SMU1: variants seen among roughly 807,000 people sequenced by gnomAD.
SMU1 encodes the protein WD40 repeat-containing protein SMU1.
Under a neutral mutation model 62.0 loss-of-function variants are expected in SMU1, and 2 were observed. The ratio of observed to expected loss-of-function variants is 0.03; its 90% CI spans 0.01 to 0.10. The LOEUF (loss-of-function observed/expected upper bound fraction) is 0.10, where lower values mean the gene tolerates loss of function less well. Among genes scored for constraint, SMU1 ranks in the 10% least tolerant of loss-of-function variants. The pLI, the probability that SMU1 is intolerant of heterozygous loss-of-function variation, is 1.00. For synonymous variants in SMU1, 188 were observed against 212.4 expected (o/e 0.89, Z 1.00); for missense variants, 227 against 622.1 (o/e 0.36, Z 6.76).
rs563013972 is a variant in SMU1 at position 33,044,504 on chromosome 9, G to T, written c.*2789C>A. 6.6e-6 allele frequency: 1 copy of T among 152,340 alleles called. No individual in the cohort carries two copies. Among genetic ancestry groups the T allele is most frequent in the African/African-American group, 2.4e-5 (1 of 41,460 alleles). The allele number at this position is 152,340 out of a possible 1,614,324, so 9.4% of individuals were successfully genotyped here. On this transcript the variant is annotated 3_prime_UTR_variant, in exon 12 of 12. Transcript: ENST00000397149. ...CGCGTGCGCGGCCCGACCCCGCCGC[G>T]GTCTGGCTGTAAGGGCGCTGGAGGG...
chr9:33,073,843 A>C (rs369580174), intron 1 of SMU1, 37 bp from the exon 2 acceptor site: 31 of 1,588,672 alleles, frequency 2.0e-5, no homozygotes, highest in Non-Finnish European at 2.5e-5. Flanking sequence ...AGGGATTCTC[A>C]CTCACCAGAG....
At chr9:33,066,250 T>C (rs1483062367) in intron 4 of SMU1, among the ~76,000 whole-genome samples, 2 of 151,788 alleles carry the variant, frequency 1.3e-5, no homozygotes, top group Non-Finnish European at 2.9e-5. Context: ...AAAATAGGAA[T>C]ACAGGGACAA....
chr9:33,062,530 T>TC (rs543846944), intron 4 of SMU1, among the ~76,000 whole-genome samples: 40 of 151,346 alleles, frequency 2.6e-4, no homozygotes, highest in East Asian at 5.8e-4. Flanking sequence ...CTTCCAATCT[T>TC]CCCCCCCCAC....
rs751049620 is a variant in SMU1, at chr9:33,053,146, C to T, written c.1267G>A (p.Val423Ile). The part of the protein sequence containing the change: ...FVVCNRSNTV[V>I]IMNMQGQIVR... ...ACCTGCCCCTGCATGTTCATGATGA[C>T]CACCGTGTTTGATCTGTTGCACACC... Residue 423 changes from valine (V) to isoleucine (I), a missense_variant, in exon 10 of 12, where the codon GTC becomes ATC. This residue lies in a region of SMU1 where 25 missense variants were observed against 116.2 expected (regional missense o/e 0.22). Coordinates refer to ENST00000397149, the MANE Select transcript of SMU1 (RefSeq NM_018225.3). The T allele has an allele frequency of 6.2e-7, 1 of 1,612,172 alleles. No homozygotes were observed. Among genetic ancestry groups the T allele is most frequent in the Non-Finnish European group, 8.5e-7 (1 of 1,180,008 alleles).
At chr9:33,074,772 C>T (rs996783743) in intron 1 of SMU1, among the ~76,000 whole-genome samples, 10 of 133,946 alleles carry the variant, frequency 7.5e-5, no homozygotes, top group East Asian at 6.5e-4. Flanking sequence ...CAAACATCCT[C>T]TTTTTTTTTT....
At chr9:33,065,860 C>T (rs1839413789) in intron 4 of SMU1, among the ~76,000 whole-genome samples, 1 of 152,144 alleles carries the variant, frequency 6.6e-6, no homozygotes, top group African/African-American at 2.4e-5. Context: ...GAGCTGAGGA[C>T]AGGGTGGAGG....
At chr9:33,056,991 A>C in intron 7 of SMU1, 27 bp from the exon 8 acceptor site, 1 of 1,592,000 alleles carries the variant, frequency 6.3e-7, no homozygotes, top group Non-Finnish European at 8.5e-7. Flanking sequence ...AAAAAGAATT[A>C]AAAAAACCTT....
chr9:33,071,107 T>C (rs1036548318), intron 3 of SMU1, among the ~76,000 whole-genome samples: 44 of 152,230 alleles, frequency 2.9e-4, no homozygotes, highest in African/African-American at 1.0e-3. Flanking sequence ...TATCAAAATA[T>C]CTCATGTACC....
At chr9:33,072,584 C>A (rs1318220673) in intron 2 of SMU1, among the ~76,000 whole-genome samples, 1 of 151,672 alleles carries the variant, frequency 6.6e-6, no homozygotes, top group African/African-American at 2.4e-5. Flanking sequence ...GTAATCCCAG[C>A]ATTTGGGAGG....
rs1839155683 is a variant in SMU1, at chr9:33,044,085, ACAAAT to A, written c.*3203_*3207del. On this transcript the variant is annotated 3_prime_UTR_variant, in exon 12 of 12. Coordinates refer to ENST00000397149, the MANE Select transcript of SMU1 (RefSeq NM_018225.3). ...ATTCAACAGCAGAATAGGGGATAGG[ACAAAT>A]GTCCTTATGCTCATGGAATTAATTT... 6.6e-6 allele frequency: 1 copy of A among 152,018 alleles called. No individual in the cohort carries two copies. Among genetic ancestry groups the A allele is most frequent in the Non-Finnish European group, 1.5e-5 (1 of 68,018 alleles). The allele number at this position is 152,018 out of a possible 1,614,324, so 9.4% of individuals were successfully genotyped here.
intron 3 of SMU1, among the ~76,000 whole-genome samples, chr9:33,071,158 T>C (rs1381673619): frequency 1.3e-5 from 2 of 152,136 alleles, no homozygotes; most frequent in Admixed American, 6.5e-5. Context: ...TAAAAAATTT[T>C]TTTTAATCCT....
At chr9:33,069,613 C>T (rs1839463898) in intron 3 of SMU1, among the ~76,000 whole-genome samples, 1 of 152,130 alleles carries the variant, frequency 6.6e-6, no homozygotes, top group Admixed American at 6.6e-5. Flanking sequence ...CCAGCCTGGC[C>T]AACATGGTGA....
intron 10 of SMU1, 146 bp from the exon 11 acceptor site, chr9:33,048,404 T>G (rs1469772521): frequency 2.1e-6 from 2 of 941,902 alleles, no homozygotes; most frequent in African/African-American, 3.3e-5. Context: ...CTGTTCATCA[T>G]GTGCTAACTC....
At chr9:33,064,064 G>T (rs1384180934) in intron 4 of SMU1, among the ~76,000 whole-genome samples, 1 of 151,778 alleles carries the variant, frequency 6.6e-6, no homozygotes, top group East Asian at 1.9e-4. Flanking sequence ...CGTGATAAAG[G>T]TATTTGTTGT....
chr9:33,072,328 T>C (rs2059106593), intron 2 of SMU1, among the ~76,000 whole-genome samples: 1 of 151,846 alleles, frequency 6.6e-6, no homozygotes, highest in Admixed American at 6.6e-5. Context: ...CAGAGCGAGA[T>C]CTGTCTCAAT....
Position 33,044,263 on chromosome 9 carries a change from G to C in SMU1, c.*3030C>G, listed in dbSNP as rs539773412. The C allele has an allele frequency of 1.1e-3, 170 of 152,494 alleles. No homozygotes were observed. The highest frequency in any genetic ancestry group is 3.6e-3 in the African/African-American group (150 of 41,560). 9.4% of individuals were successfully genotyped at this position (152,494 alleles called of 1,614,324 possible). A position where few individuals can be genotyped will look rare whatever the true frequency, so the allele number is the denominator to read the frequency against. On this transcript the variant is annotated 3_prime_UTR_variant, in exon 12 of 12. Coordinates refer to ENST00000397149, the MANE Select transcript of SMU1 (RefSeq NM_018225.3). ...CACTGATTCCCGGCAGCCAACTCCCGTTCGCGCAGCCGCTGCCACCGGCCC... is the reference window on the plus strand; with the variant it reads ...CACTGATTCCCGGCAGCCAACTCCCCTTCGCGCAGCCGCTGCCACCGGCCC...
chr9:33,064,836 G>A (rs1420702827), intron 4 of SMU1, among the ~76,000 whole-genome samples: 7 of 151,778 alleles, frequency 4.6e-5, no homozygotes, highest in South Asian at 4.2e-4. Flanking sequence ...TCTGCCTCCC[G>A]GGTTCAAGTG....
Position 33,060,473 on chromosome 9 carries a change from T to C in SMU1, c.742A>G (p.Ile248Val). Reference sequence around the variant, plus strand: ...CATTTAAAATACTTTACCTTTCTGATTTTTCCAGTAGTAAAGTTCCATACT... The same window carrying C: ...CATTTAAAATACTTTACCTTTCTGACTTTTCCAGTAGTAAAGTTCCATACT... Reference protein sequence around the residue: ...IEVWNFTTGKIRKDLKYQAQD... With the variant: ...IEVWNFTTGKVRKDLKYQAQD... The change falls in exon 6 of 12, where the codon ATC becomes GTC. Residue 248 changes from isoleucine (I) to valine (V), a missense_variant. By Grantham distance (29) the Ile-to-Val change is conservative. Coordinates refer to ENST00000397149, the MANE Select transcript of SMU1 (RefSeq NM_018225.3). 6.3e-7 allele frequency: 1 copy of C among 1,597,414 alleles called. No homozygotes were observed. The highest frequency in any genetic ancestry group is 8.5e-7 in the Non-Finnish European group (1 of 1,176,418).
At chr9:33,076,133 A>T (rs1839543357) in intron 1 of SMU1, among the ~76,000 whole-genome samples, 5 of 152,222 alleles carry the variant, frequency 3.3e-5, no homozygotes, top group Non-Finnish European at 2.9e-5. Context: ...AACAGTGACA[A>T]TACTGAGTGA....
Sources: gnomAD v4.1 joint callset for allele counts (sites outside exome capture counted in the v4.1 genomes callset) on GRCh38, gnomAD v4.1.1 for gene constraint, gnomAD v4.1.1 regional missense constraint, MANE v1.5 for transcripts, NCBI Gene and HGNC (gene_info 2026-07-23, HGNC 2026-07-21) for gene names.